Variants in ZBBX observed in about 807,000 individuals in gnomAD.
ZBBX encodes the protein zinc finger B-box domain containing.
Under a neutral mutation model 108.5 loss-of-function variants are expected in ZBBX, and 101 were observed. That is an observed-to-expected ratio of 0.93 (90% CI 0.79 to 1.10). The LOEUF (loss-of-function observed/expected upper bound fraction) is 1.10. Ranked by LOEUF, ZBBX falls within the 50% of genes least tolerant of loss-of-function variation. ZBBX has a pLI of 0.00. For missense variants in ZBBX, 1,009 were observed against 941.4 expected (o/e 1.07, Z -0.94); for synonymous variants, 356 against 323.4 (o/e 1.10, Z -1.08).
At chr3:167,309,753 G>A (rs1212730722) in intron 16 of ZBBX, among the ~76,000 whole-genome samples, 1 of 152,218 alleles carries the variant, frequency 6.6e-6, no homozygotes, top group Non-Finnish European at 1.5e-5. Context: ...AGGGGATGCT[G>A]TGAGGATCTC....
intron 1 of ZBBX, among the ~76,000 whole-genome samples, chr3:167,405,898 C>T (rs1486631062): frequency 1.3e-5 from 2 of 152,028 alleles, no homozygotes; most frequent in Admixed American, 1.3e-4. Context: ...GGTGAAACCC[C>T]GTCTCTACTA....
intron 20 of ZBBX, among the ~76,000 whole-genome samples, chr3:167,254,636 A>C (rs1383687371): frequency 6.6e-6 from 1 of 152,162 alleles, no homozygotes; most frequent in Non-Finnish European, 1.5e-5. Context: ...CAACATAAAG[A>C]AAATAGGTTT....
the ZBBX span, among the ~76,000 whole-genome samples, chr3:167,195,636 T>G: frequency 6.6e-6 from 1 of 152,176 alleles, no homozygotes; most frequent in Non-Finnish European, 1.5e-5. Flanking sequence ...GCTCTAACTT[T>G]AACATTTTGG....
At chr3:167,247,861 C>T (rs1224299333) in intron 20 of ZBBX, among the ~76,000 whole-genome samples, 1 of 152,196 alleles carries the variant, frequency 6.6e-6, no homozygotes, top group Admixed American at 6.5e-5. Context: ...AAACCTCCCA[C>T]TTCTCTCTTT....
chr3:167,387,857 T>C (rs1577142981), intron 1 of ZBBX, among the ~76,000 whole-genome samples: 4 of 151,946 alleles, frequency 2.6e-5, no homozygotes, highest in Admixed American at 6.6e-5. Flanking sequence ...CCCACGTGTA[T>C]TTATGGATGA....
chr3:167,216,662 C>G, the ZBBX span, among the ~76,000 whole-genome samples: 2 of 152,020 alleles, frequency 1.3e-5, no homozygotes, highest in Non-Finnish European at 2.9e-5. Flanking sequence ...GCCTGAATAG[C>G]CAGGGCAATC....
intron 20 of ZBBX, among the ~76,000 whole-genome samples, chr3:167,278,325 A>G (rs1728072342): frequency 6.6e-6 from 1 of 151,364 alleles, no homozygotes; most frequent in African/African-American, 2.4e-5. Flanking sequence ...GTTTTTTGGA[A>G]GGATCAACAA....
intron 16 of ZBBX, among the ~76,000 whole-genome samples, chr3:167,310,989 A>G (rs1734486571): frequency 6.6e-6 from 1 of 152,162 alleles, no homozygotes; most frequent in African/African-American, 2.4e-5. Context: ...CAAATGACCC[A>G]GGATAGTGAA....
chr3:167,273,357 C>G (rs2108482921), intron 20 of ZBBX, among the ~76,000 whole-genome samples: 1 of 152,252 alleles, frequency 6.6e-6, no homozygotes, highest in East Asian at 1.9e-4. Flanking sequence ...AGATGGTCTC[C>G]CAGTCAACTG....
chr3:167,268,559 C>A (rs1469244712), intron 20 of ZBBX, among the ~76,000 whole-genome samples: 1 of 151,952 alleles, frequency 6.6e-6, no homozygotes, highest in African/African-American at 2.4e-5. Flanking sequence ...ACTTGATATA[C>A]AACAGGAAAA....
At position 167,365,974 on chromosome 3, in the gene ZBBX, G is replaced by T; in HGVS notation, c.185C>A (p.Ser62Ter). The change falls in exon 6 of 22, where the codon TCA becomes TAA. Residue 62 changes from serine to a stop codon, truncating the protein, a stop_gained and splice_region_variant. Transcript: ENST00000675490. LOFTEE classifies it high-confidence loss of function. The stretch of plus-strand genomic sequence containing the variant: ...TCCAGATTTCCAGTAATACTCGCTT[G>T]ACCTTTAATATATATAAACAAGATA... ...TRNKEKEDRE[S>*]SEYYWKSGKV... The T allele has an allele frequency of 6.2e-7, 1 of 1,601,196 alleles. No individual in the cohort carries two copies. Among genetic ancestry groups the T allele is most frequent in the South Asian group, 1.1e-5 (1 of 90,080 alleles).
intron 6 of ZBBX, among the ~76,000 whole-genome samples, chr3:167,364,661 G>A (rs1204549220): frequency 1.3e-5 from 2 of 151,976 alleles, no homozygotes; most frequent in Admixed American, 6.6e-5. Context: ...GAAAAGAAGC[G>A]AAACTGTTGA....
the ZBBX span, among the ~76,000 whole-genome samples, chr3:167,191,896 C>CATATATATATATATATATATATATATAT: frequency 2.9e-5 from 2 of 67,950 alleles, no homozygotes; most frequent in African/African-American, 6.5e-5. Flanking sequence ...TTACAAAAAT[C>CATATATATATATATATATATATATATAT]ATATATATAT....
chr3:167,344,239 G>T (rs978371590), intron 9 of ZBBX, among the ~76,000 whole-genome samples: 1 of 151,770 alleles, frequency 6.6e-6, no homozygotes, highest in African/African-American at 2.4e-5. Context: ...GAGCAAAAGG[G>T]TATGGGGTTT....
intron 1 of ZBBX, among the ~76,000 whole-genome samples, chr3:167,403,536 A>G (rs1748490817): frequency 6.6e-6 from 1 of 152,118 alleles, no homozygotes; most frequent in South Asian, 2.1e-4. Flanking sequence ...ATATGCAAGC[A>G]TTTTTTCTCC....
chr3:167,180,926 A>G, the ZBBX span, among the ~76,000 whole-genome samples: 5 of 152,204 alleles, frequency 3.3e-5, no homozygotes, highest in Admixed American at 2.0e-4. Flanking sequence ...CATTTACCTG[A>G]TTTTTTTCTT....
At chr3:167,275,180 G>T (rs191808207) in intron 20 of ZBBX, among the ~76,000 whole-genome samples, 20 of 152,134 alleles carry the variant, frequency 1.3e-4, no homozygotes, top group African/African-American at 3.6e-4. Flanking sequence ...TTTTTATCAT[G>T]TTCCTTCAAT....
Position 167,348,314 on chromosome 3 carries a change from G to GAGAAAGAAAGAAAGAAAGAA in ZBBX, c.528+2086_528+2105dup, listed in dbSNP as rs71176641. ...AGGAAAGAAGAAAGAGAGAAAGAAA[G>GAGAAAGAAAGAAAGAAAGAA]AGAAAGAAAGAAAGAAAGAAAGAAA... On this transcript the variant is annotated intron_variant, in intron 9 of 21. Transcript: ENST00000675490. Among the ~76,000 whole-genome samples, 95 of 65,588 alleles carry GAGAAAGAAAGAAAGAAAGAA rather than the reference G, an allele frequency of 1.4e-3. 1 individual carries two copies. The highest frequency in any genetic ancestry group is 1.6e-3 in the East Asian group (4 of 2,436). 43.0% of individuals were successfully genotyped at this position (65,588 alleles called of 152,430 possible). A position where few individuals can be genotyped will look rare whatever the true frequency, so the allele number is the denominator to read the frequency against.
At chr3:167,364,046 T>C (rs1744944629) in intron 6 of ZBBX, among the ~76,000 whole-genome samples, 1 of 152,016 alleles carries the variant, frequency 6.6e-6, no homozygotes, top group African/African-American at 2.4e-5. Context: ...TGAATGTTAA[T>C]CTATATAATC....
Sources: allele counts gnomAD v4.1 joint callset (sites outside exome capture counted in the v4.1 genomes callset), GRCh38; gene constraint gnomAD v4.1.1; transcripts MANE v1.5; gene names NCBI Gene and HGNC (gene_info 2026-07-23, HGNC 2026-07-21).